Variants in SLC4A4 observed in about 807,000 individuals in gnomAD.
SLC4A4 encodes the protein electrogenic sodium bicarbonate cotransporter 1.
Under a neutral mutation model 111.5 loss-of-function variants are expected in SLC4A4, and 27 were observed. That is an observed-to-expected ratio of 0.24 (90% CI 0.18 to 0.33). The LOEUF (loss-of-function observed/expected upper bound fraction) is 0.33, where lower values mean the gene tolerates loss of function less well. Ranked by LOEUF, SLC4A4 falls within the 10% of genes least tolerant of loss-of-function variation. The probability of loss-of-function intolerance (pLI) is 1.00; values close to 1 mark genes in which losing one functional copy is unlikely to be tolerated. For missense variants in SLC4A4, 909 were observed against 1,315.5 expected, an observed-to-expected ratio of 0.69 and a Z score of 4.78; for synonymous variants, 443 against 463.4, an observed-to-expected ratio of 0.96 and a Z score of 0.57.
intron 2 of SLC4A4, among the ~76,000 whole-genome samples, chr4:71,247,073 C>T (rs1012310228): frequency 2.0e-5 from 3 of 151,904 alleles, no homozygotes; most frequent in Admixed American, 2.0e-4. Flanking sequence ...AGCATTTTTC[C>T]TAGTTCTGGG....
chr4:71,261,667 C>CTGAAA (rs1721862488), intron 3 of SLC4A4, among the ~76,000 whole-genome samples: 1 of 152,222 alleles, frequency 6.6e-6, no homozygotes, highest in South Asian at 2.1e-4. Flanking sequence ...CCTTGAGTTT[C>CTGAAA]TGAAATGCAG....
intron 14 of SLC4A4, among the ~76,000 whole-genome samples, chr4:71,483,963 T>C (rs545555714): frequency 6.6e-6 from 1 of 152,044 alleles, no homozygotes; most frequent in South Asian, 2.1e-4. Context: ...ATTGGCTGCA[T>C]GTATGTCTTC....
chr4:71,325,220 T>C (rs1355833193), intron 3 of SLC4A4, among the ~76,000 whole-genome samples: 1 of 151,722 alleles, frequency 6.6e-6, no homozygotes, highest in Admixed American at 6.6e-5. Flanking sequence ...CTTGTACACA[T>C]CTCTCCAAAA....
At chr4:71,134,554 TC>T (rs1743793786) in intron 2 of SLC4A4, among the ~76,000 whole-genome samples, 1 of 152,336 alleles carries the variant, frequency 6.6e-6, no homozygotes, top group East Asian at 1.9e-4. Context: ...AACCAGACCC[TC>T]CTACTTGCTC....
At chr4:71,519,000 AG>A (rs1560581585) in intron 16 of SLC4A4, among the ~76,000 whole-genome samples, 1 of 152,180 alleles carries the variant, frequency 6.6e-6, no homozygotes, top group African/African-American at 2.4e-5. Flanking sequence ...TTCCCTCTCC[AG>A]GATGTGTTGC....
chr4:71,438,836 T>C lies in SLC4A4; in HGVS notation c.808-1780T>C, dbSNP rs554637293. 4.6e-5 allele frequency among the ~76,000 whole-genome samples: 7 copies of C among 152,270 alleles called. No homozygotes were observed. In the South Asian group the frequency reaches 1.5e-3, roughly 32 times the overall value. On this transcript the variant is annotated intron_variant, in intron 7 of 25. Coordinates refer to ENST00000264485, the MANE Select transcript of SLC4A4 (RefSeq NM_001098484.3). ...TCTCTAATATACTGAAATTTTGCCT[T>C]ATGAATGGTTAAACTACATTTTCTT...
At chr4:71,564,580 C>T (rs560893740) in intron 24 of SLC4A4, among the ~76,000 whole-genome samples, 44 of 151,970 alleles carry the variant, frequency 2.9e-4, no homozygotes, top group African/African-American at 1.1e-3. Context: ...GTGACCATTT[C>T]AGACTTTCCC....
chr4:71,294,842 T>C lies in SLC4A4; in HGVS notation c.253+39443T>C, dbSNP rs62302784. 2.0e-3 allele frequency among the ~76,000 whole-genome samples: 311 copies of C among 152,366 alleles called. 1 individual carries two copies. The highest frequency in any genetic ancestry group is 3.6e-3 in the Non-Finnish European group (243 of 68,040). On this transcript the variant is annotated intron_variant, in intron 3 of 25. Coordinates refer to ENST00000264485, the MANE Select transcript of SLC4A4 (RefSeq NM_001098484.3). ...GAATGAATGGTGCCCATAATTGTTATAAATATAATATGCAGAGTTATATTT... is the reference window on the plus strand; with the variant it reads ...GAATGAATGGTGCCCATAATTGTTACAAATATAATATGCAGAGTTATATTT...
At chr4:71,234,308 A>T (rs1719647271) in intron 1 of SLC4A4, among the ~76,000 whole-genome samples, 1 of 152,270 alleles carries the variant, frequency 6.6e-6, no homozygotes, top group Non-Finnish European at 1.5e-5. Flanking sequence ...CTCTCTGAAG[A>T]GTATGAGGAA....
intron 7 of SLC4A4, among the ~76,000 whole-genome samples, chr4:71,409,408 T>C (rs1721160437): frequency 6.6e-6 from 1 of 152,202 alleles, no homozygotes. Flanking sequence ...TGTAACTTGT[T>C]GGGAACTGGA....
At chr4:71,418,309 T>C (rs1722003709) in intron 7 of SLC4A4, among the ~76,000 whole-genome samples, 1 of 152,222 alleles carries the variant, frequency 6.6e-6, no homozygotes, top group South Asian at 2.1e-4. Context: ...ACCCTCAGCA[T>C]TGTTTTCATT....
At chr4:71,185,948 T>C (rs545651381), upstream of SLC4A4, among the ~76,000 whole-genome samples, 2 of 152,300 alleles carry the variant, frequency 1.3e-5, no homozygotes, top group African/African-American at 4.8e-5. Context: ...ATATAATATG[T>C]ATTACTAGAA....
At chr4:71,284,425 A>T (rs1180836496) in intron 3 of SLC4A4, among the ~76,000 whole-genome samples, 1 of 152,202 alleles carries the variant, frequency 6.6e-6, no homozygotes, top group African/African-American at 2.4e-5. Context: ...AATGCCTTTC[A>T]TTACATTGAC....
chr4:71,483,533 A>G (rs745470604), intron 14 of SLC4A4, among the ~76,000 whole-genome samples: 2 of 151,976 alleles, frequency 1.3e-5, no homozygotes, highest in African/African-American at 2.4e-5. Context: ...ATAGTATTCC[A>G]TGGTGTATAT....
At chr4:71,383,703 T>C (rs148963662) in intron 6 of SLC4A4, among the ~76,000 whole-genome samples, 3 of 152,336 alleles carry the variant, frequency 2.0e-5, no homozygotes, top group African/African-American at 7.2e-5. Context: ...TCCACATGTG[T>C]TTGCTTGCTT....
intron 1 of SLC4A4, among the ~76,000 whole-genome samples, chr4:71,234,774 T>C (rs1719689942): frequency 6.6e-6 from 1 of 152,200 alleles, no homozygotes; most frequent in Non-Finnish European, 1.5e-5. Flanking sequence ...AGAATCTTGA[T>C]GGCCAACCCA....
At chr4:71,444,972 T>C (rs1725091523) in intron 8 of SLC4A4, among the ~76,000 whole-genome samples, 1 of 152,182 alleles carries the variant, frequency 6.6e-6, no homozygotes, top group Non-Finnish European at 1.5e-5. Context: ...ATGTCCACCA[T>C]GTTGGTTTGG....
chr4:71,493,687 C>T (rs1480605883), intron 15 of SLC4A4, among the ~76,000 whole-genome samples: 1 of 151,468 alleles, frequency 6.6e-6, no homozygotes, highest in Admixed American at 6.6e-5. Context: ...CTCTTCCTCC[C>T]TCCCTCTCTC....
In SLC4A4 at chr4:71,100,255, C is replaced by T. The variant is rs181202939; in HGVS notation, c.-2+7463C>T. ...AGCACATCAAAAAGCTAATCCATCA[C>T]GATCAAATAGACTTCATACCCAGGA... On this transcript the variant is annotated intron_variant, in intron 2 of 26. Transcript: ENST00000649996. Among the ~76,000 whole-genome samples the T allele has an allele frequency of 7.4e-4, 113 of 152,020 alleles. 1 individual carries two copies. The highest frequency in any genetic ancestry group is 6.2e-4 in the South Asian group (3 of 4,812).
Sources: allele counts gnomAD v4.1 joint callset (sites outside exome capture counted in the v4.1 genomes callset), GRCh38; gene constraint gnomAD v4.1.1; transcripts MANE v1.5; gene names NCBI Gene and HGNC (gene_info 2026-07-23, HGNC 2026-07-21).